CLUAP1: variants seen among roughly 807,000 people sequenced by gnomAD.
CLUAP1 encodes the protein clusterin-associated protein 1.
Under a neutral mutation model 55.0 loss-of-function variants are expected in CLUAP1, and 50 were observed. That is an observed-to-expected ratio of 0.91 (90% CI 0.72 to 1.15). CLUAP1 has a LOEUF of 1.15. Among genes scored for constraint, CLUAP1 ranks in the 50% most tolerant of loss-of-function variants. The pLI is 0.00. For missense variants in CLUAP1, 530 were observed against 507.6 expected (o/e 1.04, Z -0.42); for synonymous variants, 195 against 175.4 (o/e 1.11, Z -0.88).
chr16:3,496,240 C>T, upstream of CLUAP1: 1 of 635,642 alleles, frequency 1.6e-6, no homozygotes, highest in East Asian at 4.0e-5. Flanking sequence ...CCTAAAGGTT[C>T]GGCGCAAAGA....
upstream of CLUAP1, chr16:3,496,679 C>G: frequency 1.9e-6 from 1 of 532,978 alleles, no homozygotes. Context: ...CCTGGGAACC[C>G]CACACAGCCA....
At chr16:3,497,238 G>A (rs1223167652), upstream of CLUAP1, among the ~76,000 whole-genome samples, 1 of 150,890 alleles carries the variant, frequency 6.6e-6, no homozygotes, top group Non-Finnish European at 1.5e-5. Flanking sequence ...GAACCTAGTA[G>A]AGCTTTTTCA....
chr16:3,496,482 C>CA, upstream of CLUAP1: 2 of 732,084 alleles, frequency 2.7e-6, no homozygotes, highest in South Asian at 2.7e-5. Flanking sequence ...CGCGAGGGTT[C>CA]AGGAGGTGCC....
intron 9 of CLUAP1, among the ~76,000 whole-genome samples, chr16:3,528,374 C>T (rs1483252094): frequency 6.6e-6 from 1 of 151,842 alleles, no homozygotes; most frequent in Admixed American, 6.6e-5. Flanking sequence ...TCATTTTGCA[C>T]CTGTTCTGTG....
Position 3,526,475 on chromosome 16 carries a change from A to T in CLUAP1, c.919A>T (p.Lys307Ter). ...KLKEEEKRLLKSGSNDDSDID... is the reference protein window; with the variant it reads ...KLKEEEKRLL Reference sequence around the variant, plus strand: ...CAAGGAGGAAGAGAAGCGCCTGCTCAAGAGTGGAAGTAAGGCTGGGCTTCG... The same window carrying T: ...CAAGGAGGAAGAGAAGCGCCTGCTCTAGAGTGGAAGTAAGGCTGGGCTTCG... The change falls in exon 9 of 12, where the codon AAG becomes TAG. Residue 307 changes from lysine to a stop codon, truncating the protein, a stop_gained. Coordinates refer to ENST00000576634, the MANE Select transcript of CLUAP1 (RefSeq NM_015041.3). LOFTEE classifies it high-confidence loss of function. 1 of 1,606,178 alleles carries T rather than the reference A, an allele frequency of 6.2e-7. No homozygotes were observed. The highest frequency in any genetic ancestry group is 8.5e-7 in the Non-Finnish European group (1 of 1,177,670).
intron 10 of CLUAP1, among the ~76,000 whole-genome samples, chr16:3,532,237 A>G (rs2038136040): frequency 6.6e-6 from 1 of 152,014 alleles, no homozygotes; most frequent in African/African-American, 2.4e-5. Flanking sequence ...TTTTCCTTGT[A>G]TATACATCTT....
intron 9 of CLUAP1, among the ~76,000 whole-genome samples, chr16:3,528,158 C>G (rs746726313): frequency 1.3e-5 from 2 of 152,190 alleles, no homozygotes; most frequent in African/African-American, 2.4e-5. Context: ...GGTAGCAGCC[C>G]AGGATCTTCC....
intron 9 of CLUAP1, among the ~76,000 whole-genome samples, chr16:3,529,825 A>G (rs1425630599): frequency 3.7e-4 from 22 of 58,942 alleles, no homozygotes; most frequent in Admixed American, 9.7e-4. Flanking sequence ...ATAATATAAT[A>G]TATTATATAA....
At chr16:3,504,295 CAG>C in intron 1 of CLUAP1, among the ~76,000 whole-genome samples, 1 of 152,316 alleles carries the variant, frequency 6.6e-6, no homozygotes, top group South Asian at 2.1e-4. Flanking sequence ...GGATTCCCCT[CAG>C]AAATAACCAC....
Position 3,501,011 on chromosome 16 carries a change from C to G in CLUAP1, c.-57C>G. 1 of 1,565,400 alleles carries G rather than the reference C, an allele frequency of 6.4e-7. No individual in the cohort carries two copies. Among genetic ancestry groups the G allele is most frequent in the Admixed American group, 1.8e-5 (1 of 56,594 alleles). ...CCATAGAGATCGTCGAGCGCTGGGC[C>G]TGTGATCGCTGAGGGGCGAGCAGTT... On this transcript the variant is annotated 5_prime_UTR_variant, in exon 1 of 12. Coordinates refer to ENST00000576634, the MANE Select transcript of CLUAP1 (RefSeq NM_015041.3).
intron 9 of CLUAP1, 70 bp downstream of exon 9, chr16:3,526,554 G>T (rs534818205): frequency 4.6e-6 from 4 of 878,436 alleles, no homozygotes; most frequent in African/African-American, 3.6e-5. Flanking sequence ...TATATATAGA[G>T]AGATATATAT....
At chr16:3,517,480 T>G (rs7202681) in intron 6 of CLUAP1, among the ~76,000 whole-genome samples, 1,657 of 137,882 alleles carry the variant, frequency 0.012, 36 homozygotes, top group African/African-American at 0.041. Context: ...CTAATTTTTG[T>G]TTTTTTTTTT....
rs751218423 is a variant in CLUAP1, at chr16:3,523,261, C to T, written c.817C>T (p.Leu273Phe). The change falls in exon 8 of 12, where the codon CTT (leucine) becomes TTT (phenylalanine). Residue 273 changes from leucine to phenylalanine, a missense_variant. By Grantham distance (22) the Leu-to-Phe change is conservative. Coordinates refer to ENST00000576634, the MANE Select transcript of CLUAP1 (RefSeq NM_015041.3). ...AAATCTGACTTATCTGGAACAACAG[C>T]TTGAAGACCATCATAGGATGGAGCA... ...FQNLTYLEQQ[L>F]EDHHRMEQER... 8 of 1,613,684 alleles carry T rather than the reference C, an allele frequency of 5.0e-6. No homozygotes were observed. The highest frequency in any genetic ancestry group is 1.7e-5 in the Admixed American group (1 of 59,900).
chr16:3,530,735 C>A, intron 10 of CLUAP1, 60 bp downstream of exon 10: 1 of 1,362,332 alleles, frequency 7.3e-7, no homozygotes, highest in Non-Finnish European at 1.0e-6. Flanking sequence ...AACACCTGGC[C>A]AGGACTGGGG....
intron 7 of CLUAP1, among the ~76,000 whole-genome samples, chr16:3,522,957 T>C (rs1049494445): frequency 6.6e-6 from 1 of 152,134 alleles, no homozygotes; most frequent in Non-Finnish European, 1.5e-5. Context: ...GCACATCTTA[T>C]TTATGATGAA....
At chr16:3,531,134 C>T (rs1197229492) in intron 10 of CLUAP1, among the ~76,000 whole-genome samples, 1 of 151,974 alleles carries the variant, frequency 6.6e-6, no homozygotes, top group Non-Finnish European at 1.5e-5. Flanking sequence ...GCAGAAGGAT[C>T]ATTTGAGCCT....
At chr16:3,506,869 CTTTT>C (rs914605043) in intron 3 of CLUAP1, among the ~76,000 whole-genome samples, 7 of 152,124 alleles carry the variant, frequency 4.6e-5, no homozygotes, top group African/African-American at 1.4e-4. Flanking sequence ...CAGCGAAGTT[CTTTT>C]TGTTTGTCTT....
chr16:3,515,478 A>G (rs1371858633), intron 5 of CLUAP1, 30 bp from the exon 6 acceptor site: 1 of 1,504,186 alleles, frequency 6.6e-7, no homozygotes, highest in Non-Finnish European at 9.1e-7. Context: ...TTTTCTGAAA[A>G]TATACGTAAA....
upstream of CLUAP1, chr16:3,500,927 GTCTTC>G: frequency 1.1e-6 from 1 of 908,322 alleles, no homozygotes; most frequent in South Asian, 1.5e-5. Context: ...GTGCCGCCGC[GTCTTC>G]GCTTCGCTTT....
Sources: gnomAD v4.1 joint callset for allele counts (sites outside exome capture counted in the v4.1 genomes callset) on GRCh38, gnomAD v4.1.1 for gene constraint, MANE v1.5 for transcripts, NCBI Gene and HGNC (gene_info 2026-07-23, HGNC 2026-07-21) for gene names.